SMPD2: variants seen among roughly 807,000 people sequenced by gnomAD.
The protein encoded by SMPD2 is N-SMase.
Under a neutral mutation model 41.7 loss-of-function variants are expected in SMPD2, and 35 were observed. The ratio of observed to expected loss-of-function variants is 0.84; its 90% CI spans 0.64 to 1.11. The LOEUF (loss-of-function observed/expected upper bound fraction) is 1.11. Among genes scored for constraint, SMPD2 ranks in the 50% most tolerant of loss-of-function variants. The pLI is 0.00. For missense variants in SMPD2, 520 were observed against 524.8 expected (o/e 0.99, Z 0.09); for synonymous variants, 201 against 208.2 (o/e 0.97, Z 0.30).
chr6:109,440,816 A>C lies in SMPD2; in HGVS notation c.-306A>C. On this transcript the variant is annotated 5_prime_UTR_variant, in exon 1 of 10. Transcript: ENST00000258052. ...GAGGAAAAGGAACCGGGAGCCGCCC[A>C]CCCGGGGGCGCTCTCCGGACCCCCA... 1 of 369,664 alleles carries C rather than the reference A, an allele frequency of 2.7e-6. No individual in the cohort carries two copies. Among genetic ancestry groups the C allele is most frequent in the Non-Finnish European group, 4.7e-6 (1 of 212,808 alleles). The allele number at this position is 369,664 out of a possible 1,614,324, so 22.9% of individuals were successfully genotyped here. A position where few individuals can be genotyped will look rare whatever the true frequency, so the allele number is the denominator to read the frequency against.
rs1443708544 is a variant in SMPD2 at position 109,443,678 on chromosome 6, G to A, written c.1045G>A (p.Gly349Arg). 6.2e-7 allele frequency: 1 copy of A among 1,614,022 alleles called. No homozygotes were observed. Among genetic ancestry groups the A allele is most frequent in the Non-Finnish European group, 8.5e-7 (1 of 1,179,900 alleles). The change falls in exon 10 of 10, where the codon GGG becomes AGG. Residue 349 changes from glycine to arginine, a missense_variant. Coordinates refer to ENST00000258052, the MANE Select transcript of SMPD2 (RefSeq NM_003080.3). ...ALLCVLAAGGGAGEAAILLWT... is the reference protein window; with the variant it reads ...ALLCVLAAGGRAGEAAILLWT... The stretch of plus-strand genomic sequence containing the variant: ...GCTGTGTGTCCTGGCGGCTGGAGGA[G>A]GGGCCGGGGAAGCTGCCATACTGCT...
chr6:109,443,911 G>C lies in SMPD2; in HGVS notation c.*6G>C. 6.3e-7 allele frequency: 1 copy of C among 1,595,034 alleles called. No homozygotes were observed. On this transcript the variant is annotated 3_prime_UTR_variant, in exon 10 of 10. Coordinates refer to ENST00000258052, the MANE Select transcript of SMPD2 (RefSeq NM_003080.3). The stretch of plus-strand genomic sequence containing the variant: ...ACAGAACTAAAGAACAATAAAGCTT[G>C]GCCCTTTAGTGGCTCTGCCTTTTTC...
intron 5 of SMPD2, 43 bp from the exon 6 acceptor site, chr6:109,442,500 G>T: frequency 6.5e-7 from 1 of 1,546,346 alleles, no homozygotes; most frequent in South Asian, 1.2e-5. Context: ...ATACCCCTGG[G>T]ACCCTCAGTC....
In SMPD2 at chr6:109,442,018, T is replaced by C; in HGVS notation, c.269T>C (p.Ile90Thr). 2 of 1,613,450 alleles carry C rather than the reference T, an allele frequency of 1.2e-6. No individual in the cohort carries two copies. Among genetic ancestry groups the C allele is most frequent in the Middle Eastern group, 1.7e-4 (1 of 6,060 alleles). ...CTCTGTGTCTTCTCCAAACATCCAA[T>C]CCAGGAGCTTACCCAGCACATCTAC... ...SGLCVFSKHP[I>T]QELTQHIYTL... The change falls in exon 4 of 10, where the codon ATC becomes ACC. Residue 90 changes from isoleucine to threonine, a missense_variant. Coordinates refer to ENST00000258052, the MANE Select transcript of SMPD2 (RefSeq NM_003080.3).
At position 109,442,547 on chromosome 6, in the gene SMPD2, A is replaced by C; in HGVS notation, c.413A>C (p.His138Pro). 6.2e-7 allele frequency: 1 copy of C among 1,612,282 alleles called. No homozygotes were observed. Among genetic ancestry groups the C allele is most frequent in the Non-Finnish European group, 8.5e-7 (1 of 1,178,778 alleles). ...MVLNAYVTHL[H>P]AEYNRQKDIY... ...GATCTCATCTATCTTGCTCAGCTCC[A>C]TGCCGAATACAATCGACAGAAGGAC... is the stretch of plus-strand genomic sequence containing the variant. The change falls in exon 6 of 10, where the codon CAT (histidine) becomes CCT (proline). Residue 138 changes from histidine (H) to proline (P), a missense_variant. By Grantham distance (77) the His-to-Pro change is moderately conservative. Transcript: ENST00000258052.
rs1017978492 is a variant in SMPD2 at position 109,443,561 on chromosome 6, T to C, written c.928T>C (p.Trp310Arg). The C allele has an allele frequency of 1.5e-5, 25 of 1,613,830 alleles. No individual in the cohort carries two copies. The highest frequency in any genetic ancestry group is 8.3e-5 in the Admixed American group (5 of 60,020). ...GTTGATGTGTGTGCTAAAGGAGGCC[T>C]GGACGGAGCTGGGTCTGGGCATGGC... ...SPLMCVLKEA[W>R]TELGLGMAQA... The change falls in exon 10 of 10, where the codon TGG (tryptophan) becomes CGG (arginine). Residue 310 changes from tryptophan to arginine, a missense_variant. Physicochemically the swap from Trp to Arg is moderately radical, Grantham distance 101. Transcript: ENST00000258052.
Position 109,441,418 on chromosome 6 carries a change from AACCAGGAGAGCTTCG to A in SMPD2, c.116_130del (p.Gln39_Asp43del). The A allele has an allele frequency of 6.2e-7, 1 of 1,614,170 alleles. No homozygotes were observed. ...CATGAGGCGCCTGGGAGACTTTCTG[AACCAGGAGAGCTTCG>A]ACCTGGCTTTGCTGGAGGAGGTGAG... On this transcript the variant is annotated inframe_deletion, in exon 2 of 10. Coordinates refer to ENST00000258052, the MANE Select transcript of SMPD2 (RefSeq NM_003080.3).
chr6:109,443,316 G>A lies in SMPD2; in HGVS notation c.779G>A (p.Gly260Asp). Residue 260 changes from glycine (G) to aspartate (D), a missense_variant, in exon 9 of 10, where the codon GGC (glycine) becomes GAC (aspartate). By Grantham distance (94) the Gly-to-Asp change is moderately conservative. Coordinates refer to ENST00000258052, the MANE Select transcript of SMPD2 (RefSeq NM_003080.3). ...TGTAAGAGTTTTGAAACCACTACAG[G>A]CTTTGACCCTCACAGGGGCACCCCC... ...ISCKSFETTT[G>D]FDPHRGTPLS... 2 of 1,614,090 alleles carry A rather than the reference G, an allele frequency of 1.2e-6. No homozygotes were observed. The highest frequency in any genetic ancestry group is 1.7e-6 in the Non-Finnish European group (2 of 1,179,996).
rs1350416367 is a variant in SMPD2 at position 109,443,066 on chromosome 6, C to A, written c.714C>A (p.Asp238Glu). 1 of 1,613,754 alleles carries A rather than the reference C, an allele frequency of 6.2e-7. No individual in the cohort carries two copies. Among genetic ancestry groups the A allele is most frequent in the South Asian group, 1.1e-5 (1 of 91,080 alleles). ...CATTTCCCTTTGGTGTCCGCATTGA[C>A]TACGTGCTTTACAAGGTCAGGCTCC... ...LKPFPFGVRI[D>E]YVLYKAVSGF... is the part of the protein sequence containing the mutation. Residue 238 changes from aspartate (D) to glutamate (E), a missense_variant, in exon 8 of 10, where the codon GAC (aspartate) becomes GAA (glutamate). Coordinates refer to ENST00000258052, the MANE Select transcript of SMPD2 (RefSeq NM_003080.3).
At position 109,441,063 on chromosome 6, in the gene SMPD2, C is replaced by T; in HGVS notation, c.-59C>T. 1 of 1,577,624 alleles carries T rather than the reference C, an allele frequency of 6.3e-7. No homozygotes were observed. Among genetic ancestry groups the T allele is most frequent in the Non-Finnish European group, 8.7e-7 (1 of 1,148,002 alleles). ...GAAGGCGCCGCCGGCCGCCCCCGTC[C>T]CCACCGCGGCCGTCGCTGGAGAGTT... On this transcript the variant is annotated 5_prime_UTR_variant, in exon 1 of 10. Coordinates refer to ENST00000258052, the MANE Select transcript of SMPD2 (RefSeq NM_003080.3).
In SMPD2 at chr6:109,441,473, T is replaced by C. The variant is rs1308621808; in HGVS notation, c.147+20T>C. 1 of 1,612,666 alleles carries C rather than the reference T, an allele frequency of 6.2e-7. No individual in the cohort carries two copies. Among genetic ancestry groups the C allele is most frequent in the South Asian group, 1.1e-5 (1 of 91,062 alleles). On this transcript the variant is annotated intron_variant, in intron 2 of 9. Coordinates refer to ENST00000258052, the MANE Select transcript of SMPD2 (RefSeq NM_003080.3). The stretch of plus-strand genomic sequence containing the variant: ...GAGGAGGTGAGATTGTGCAGCACGG[T>C]GCGGAACCCAGGCTGGGAGGAGGGA...
Position 109,442,806 on chromosome 6 carries a change from C to T in SMPD2, c.546C>T (p.His182=), listed in dbSNP as rs1774993632. ...VVLLCGDLNM[H]PEDLGCCLLK... ...TGTTGTGTGGAGACCTCAACATGCA[C>T]CCAGAAGACCTGGGCTGCTGCCTGC... The change falls in exon 7 of 10, where the codon CAC becomes CAT. Residue 182 remains histidine (H), a synonymous_variant. Coordinates refer to ENST00000258052, the MANE Select transcript of SMPD2 (RefSeq NM_003080.3). 1 of 1,614,042 alleles carries T rather than the reference C, an allele frequency of 6.2e-7. No homozygotes were observed. The highest frequency in any genetic ancestry group is 1.3e-5 in the African/African-American group (1 of 74,930).
In SMPD2 at chr6:109,443,314, A is replaced by T; in HGVS notation, c.777A>T (p.Thr259=). 6.2e-7 allele frequency: 1 copy of T among 1,614,118 alleles called. No homozygotes were observed. The highest frequency in any genetic ancestry group is 8.5e-7 in the Non-Finnish European group (1 of 1,179,988). ...YISCKSFETT[T]GFDPHRGTPL... ...CCTGTAAGAGTTTTGAAACCACTAC[A>T]GGCTTTGACCCTCACAGGGGCACCC... The change falls in exon 9 of 10, where the codon ACA becomes ACT. Residue 259 remains threonine, a synonymous_variant. Coordinates refer to ENST00000258052, the MANE Select transcript of SMPD2 (RefSeq NM_003080.3).
At position 109,443,078 on chromosome 6, in the gene SMPD2, C is replaced by T. The variant is rs1218992103; in HGVS notation, c.726C>T (p.Tyr242=). Residue 242 remains tyrosine, a synonymous_variant, in exon 8 of 10, where the codon TAC becomes TAT. Transcript: ENST00000258052. The part of the protein sequence containing the change: ...PFGVRIDYVL[Y]KAVSGFYISC... ...GTGTCCGCATTGACTACGTGCTTTA[C>T]AAGGTCAGGCTCCTCCCTTCAACAT... is the stretch of plus-strand genomic sequence containing the variant. 4 of 1,612,482 alleles carry T rather than the reference C, an allele frequency of 2.5e-6. No homozygotes were observed. The highest frequency in any genetic ancestry group is 3.4e-6 in the Non-Finnish European group (4 of 1,178,606).
At chr6:109,443,447 C>T in intron 9 of SMPD2, 27 bp downstream of exon 9, 1 of 1,611,738 alleles carries the variant, frequency 6.2e-7, no homozygotes, top group South Asian at 1.1e-5. Context: ...CTTTCCTTGG[C>T]CCTTGCCCCG....
At chr6:109,441,238 C>G in intron 1 of SMPD2, 67 bp downstream of exon 1, 1 of 1,598,802 alleles carries the variant, frequency 6.3e-7, no homozygotes, top group Non-Finnish European at 8.6e-7. Flanking sequence ...CCTTCCTCCC[C>G]CTATCCCGCC....
At chr6:109,442,410 T>C (rs1774956441) in intron 5 of SMPD2, 111 bp downstream of exon 5, 4 of 1,355,710 alleles carry the variant, frequency 3.0e-6, no homozygotes, top group Non-Finnish European at 4.2e-6. Flanking sequence ...GGGCAAGATC[T>C]TATAAGGAAG....
chr6:109,441,733 C>T (rs1774899151), intron 3 of SMPD2, 105 bp downstream of exon 3: 1 of 1,093,096 alleles, frequency 9.1e-7, no homozygotes, highest in Non-Finnish European at 1.4e-6. Context: ...CCAGCCTCCT[C>T]TCCCTCTGGA....
At position 109,441,343 on chromosome 6, in the gene SMPD2, C is replaced by G; in HGVS notation, c.51-14C>G. ...CAGCAGTCGCCTCCCCTGCCCCGCT[C>G]TTCCCTTCCTTAGGGGCATTCCGTA... On this transcript the variant is annotated splice_polypyrimidine_tract_variant and intron_variant, in intron 1 of 9. Coordinates refer to ENST00000258052, the MANE Select transcript of SMPD2 (RefSeq NM_003080.3). 6.2e-7 allele frequency: 1 copy of G among 1,612,376 alleles called. No individual in the cohort carries two copies. Among genetic ancestry groups the G allele is most frequent in the Middle Eastern group, 1.7e-4 (1 of 6,056 alleles).
Sources: gnomAD v4.1 joint callset for allele counts on GRCh38, gnomAD v4.1.1 for gene constraint, MANE v1.5 for transcripts, NCBI Gene and HGNC (gene_info 2026-07-23, HGNC 2026-07-21) for gene names.